Variants in ARHGEF26 observed in about 807,000 individuals in gnomAD.
The protein encoded by ARHGEF26 is Rho guanine nucleotide exchange factor 26.
In ARHGEF26, 59 loss-of-function variants were observed where a neutral mutation model predicts 89.4. That is an observed-to-expected ratio of 0.66 (90% CI 0.54 to 0.82). The LOEUF is 0.82. Among genes scored for constraint, ARHGEF26 ranks in the 40% least tolerant of loss-of-function variants. The probability of loss-of-function intolerance (pLI) is 0.00; values close to 1 mark genes in which losing one functional copy is unlikely to be tolerated. For missense variants in ARHGEF26, 1,234 were observed against 1,085.6 expected (o/e 1.14, Z -1.92); for synonymous variants, 500 against 428.4 (o/e 1.17, Z -2.06).
intron 4 of ARHGEF26, among the ~76,000 whole-genome samples, chr3:154,137,876 C>T (rs1719112391): frequency 6.6e-6 from 1 of 151,658 alleles, no homozygotes; most frequent in South Asian, 2.1e-4. Flanking sequence ...AGACTAAAGG[C>T]TCTTTTGGTC....
intron 9 of ARHGEF26, among the ~76,000 whole-genome samples, chr3:154,204,968 G>T (rs1481796997): frequency 1.3e-5 from 2 of 152,126 alleles, no homozygotes; most frequent in Non-Finnish European, 2.9e-5. Flanking sequence ...TCCAAAGAAT[G>T]TGTATTTTAT....
intron 10 of ARHGEF26, among the ~76,000 whole-genome samples, chr3:154,223,233 G>C (rs1247327529): frequency 1.3e-5 from 2 of 152,122 alleles, no homozygotes; most frequent in Non-Finnish European, 2.9e-5. Flanking sequence ...TGCCATTTGG[G>C]GGCCTTGCTA....
At chr3:154,181,512 G>A (rs1341900332) in intron 6 of ARHGEF26, among the ~76,000 whole-genome samples, 5 of 152,130 alleles carry the variant, frequency 3.3e-5, no homozygotes, top group East Asian at 3.9e-4. Flanking sequence ...GGAGGGCACC[G>A]GACAGCGGCA....
chr3:154,129,522 T>C (rs528077497), intron 3 of ARHGEF26, 52 bp from the exon 4 acceptor site: 52 of 1,573,358 alleles, frequency 3.3e-5, no homozygotes, highest in Non-Finnish European at 4.5e-5. Context: ...TTAGAACAAG[T>C]AACATAATGA....
intron 5 of ARHGEF26, among the ~76,000 whole-genome samples, chr3:154,151,458 A>T (rs1476335437): frequency 6.6e-6 from 1 of 152,230 alleles, no homozygotes; most frequent in South Asian, 2.1e-4. Flanking sequence ...CATCGTATAC[A>T]TCAACACCTG....
chr3:154,189,988 G>T (rs1345514381), intron 7 of ARHGEF26, among the ~76,000 whole-genome samples: 1 of 152,000 alleles, frequency 6.6e-6, no homozygotes, highest in South Asian at 2.1e-4. Context: ...TTTAGTAGCA[G>T]CCTTGAACAA....
intron 12 of ARHGEF26, among the ~76,000 whole-genome samples, chr3:154,247,081 T>C (rs1274872636): frequency 1.3e-5 from 2 of 152,144 alleles, no homozygotes; most frequent in Non-Finnish European, 2.9e-5. Flanking sequence ...CTAGTATCAT[T>C]TAGTTTTATT....
At chr3:154,221,389 T>C (rs1716117522) in intron 10 of ARHGEF26, among the ~76,000 whole-genome samples, 1 of 152,198 alleles carries the variant, frequency 6.6e-6, no homozygotes, top group African/African-American at 2.4e-5. Flanking sequence ...GTGGGAAAGA[T>C]TGTTTTACCC....
Position 154,256,223 on chromosome 3 carries a change from A to C in ARHGEF26, c.*750A>C, listed in dbSNP as rs2108310990. The C allele has an allele frequency of 2.0e-6, 2 of 985,610 alleles. No individual in the cohort carries two copies. The highest frequency in any genetic ancestry group is 9.4e-5 in the South Asian group (2 of 21,290). 61.1% of individuals were successfully genotyped at this position (985,610 alleles called of 1,614,324 possible). On this transcript the variant is annotated 3_prime_UTR_variant, in exon 15 of 15. Transcript: ENST00000465093. Reference sequence around the variant, plus strand: ...GTTCATATATGTGAGAAAAACCTGAATATAGGACAGGGGTCCTACTTTTTT... The same window carrying C: ...GTTCATATATGTGAGAAAAACCTGACTATAGGACAGGGGTCCTACTTTTTT...
intron 6 of ARHGEF26, among the ~76,000 whole-genome samples, chr3:154,166,279 T>C (rs895354160): frequency 6.6e-6 from 1 of 152,172 alleles, no homozygotes; most frequent in Admixed American, 6.5e-5. Flanking sequence ...CTCGATCTCC[T>C]GACCTCATGA....
chr3:154,256,569 AAAAAAACC>A lies in ARHGEF26; in HGVS notation c.*1097_*1104del. The A allele has an allele frequency of 1.0e-6, 1 of 1,002,918 alleles. No homozygotes were observed. Among genetic ancestry groups the A allele is most frequent in the Non-Finnish European group, 1.2e-6 (1 of 842,502 alleles). The allele number at this position is 1,002,918 out of a possible 1,614,324, so 62.1% of individuals were successfully genotyped here. A position where few individuals can be genotyped will look rare whatever the true frequency, so the allele number is the denominator to read the frequency against. On this transcript the variant is annotated 3_prime_UTR_variant, in exon 15 of 15. Transcript: ENST00000465093. Reference sequence around the variant, plus strand: ...TAATTAAAAAAAAAAAAAAAAAAAAAAAAAAACCTTCCCAAATGAGCTGATAAAAAACT... The same window carrying A: ...TAATTAAAAAAAAAAAAAAAAAAAAATTCCCAAATGAGCTGATAAAAAACT...
intron 3 of ARHGEF26, among the ~76,000 whole-genome samples, chr3:154,127,963 C>T (rs1184166374): frequency 6.6e-6 from 1 of 152,128 alleles, no homozygotes; most frequent in Non-Finnish European, 1.5e-5. Flanking sequence ...CGCATTATAG[C>T]TTTTGTGTAT....
chr3:154,244,825 T>C (rs1717699060), intron 12 of ARHGEF26, among the ~76,000 whole-genome samples: 1 of 152,126 alleles, frequency 6.6e-6, no homozygotes, highest in South Asian at 2.1e-4. Context: ...GAATCTGGCC[T>C]TCCTGACAGT....
rs1344758026 is a variant in ARHGEF26 at position 154,155,305 on chromosome 3, A to G, written c.1487+2373A>G. ...TGAGATAAGCACTAACATTACATCA[A>G]CAAAAGTCAAGGAAGGAGAGGTTTT... is the stretch of plus-strand genomic sequence containing the variant. On this transcript the variant is annotated intron_variant, in intron 6 of 14. Transcript: ENST00000465093. 5.3e-5 allele frequency among the ~76,000 whole-genome samples: 8 copies of G among 152,050 alleles called. No individual in the cohort carries two copies. The East Asian group carries it at 1.5e-3, about 29-fold the overall frequency.
In ARHGEF26 at chr3:154,229,425, T is replaced by C. The variant is rs115131253; in HGVS notation, c.2090+3415T>C. Reference sequence around the variant, plus strand: ...CCTGGCTGCTAGTGAGTCACTCTGTTAATAGCCTGGTTCTACCAGATTTCA... The same window carrying C: ...CCTGGCTGCTAGTGAGTCACTCTGTCAATAGCCTGGTTCTACCAGATTTCA... On this transcript the variant is annotated intron_variant, in intron 11 of 14. Transcript: ENST00000465093. Among the ~76,000 whole-genome samples, 1,041 of 152,318 alleles carry C rather than the reference T, an allele frequency of 6.8e-3. 12 individuals carry two copies. Among genetic ancestry groups the C allele is most frequent in the African/African-American group, 0.024 (1,006 of 41,560 alleles).
chr3:154,253,027 G>T, intron 12 of ARHGEF26, 89 bp from the exon 13 acceptor site: 2 of 1,400,324 alleles, frequency 1.4e-6, no homozygotes, highest in East Asian at 2.3e-5. Flanking sequence ...TTGTTTTCTG[G>T]GAGTGCCTTT....
chr3:154,142,544 G>A (rs990010390), intron 4 of ARHGEF26, among the ~76,000 whole-genome samples: 1 of 152,164 alleles, frequency 6.6e-6, no homozygotes, highest in Non-Finnish European at 1.5e-5. Flanking sequence ...ATTTTGCTCA[G>A]GTTAGATTTT....
chr3:154,190,692 T>C (rs1330939338), intron 7 of ARHGEF26, among the ~76,000 whole-genome samples: 2 of 152,240 alleles, frequency 1.3e-5, no homozygotes, highest in Non-Finnish European at 2.9e-5. Context: ...AGTATCTCGC[T>C]AAGTTTCATT....
chr3:154,121,876 C>T, intron 1 of ARHGEF26, 66 bp from the exon 2 acceptor site: 2 of 1,386,354 alleles, frequency 1.4e-6, no homozygotes, highest in Non-Finnish European at 1.9e-6. Flanking sequence ...GGTCTGGGAG[C>T]ACGCGAGTCG....
Sources: gnomAD v4.1 joint callset for allele counts (sites outside exome capture counted in the v4.1 genomes callset) on GRCh38, gnomAD v4.1.1 for gene constraint, MANE v1.5 for transcripts, NCBI Gene and HGNC (gene_info 2026-07-23, HGNC 2026-07-21) for gene names.